LRRFIP2: variants seen among roughly 807,000 people sequenced by gnomAD.
The protein encoded by LRRFIP2 is leucine-rich repeat flightless-interacting protein 2.
A neutral mutation model predicts 125.9 loss-of-function variants in LRRFIP2; 109 were observed. The observed-to-expected ratio is 0.87, with a 90% CI of 0.74 to 1.01. The LOEUF (loss-of-function observed/expected upper bound fraction) is 1.01, where lower values mean the gene tolerates loss of function less well. Among genes scored for constraint, LRRFIP2 ranks in the 50% least tolerant of loss-of-function variants. The pLI is 0.00. For synonymous variants in LRRFIP2, 291 were observed against 293.1 expected (o/e 0.99, Z 0.07); for missense variants, 850 against 862.3 (o/e 0.99, Z 0.18).
chr3:37,170,976 A>C (rs1046731364), intron 1 of LRRFIP2: 3 of 152,298 alleles, frequency 2.0e-5, no homozygotes, highest in African/African-American at 7.2e-5. Context: ...TGGGAGGCTG[A>C]GGTGGGAGAA....
rs184975119 is a variant in LRRFIP2 at position 37,079,809 on chromosome 3, G to A, written c.1278+3827C>T. 1.8e-4 allele frequency among the ~76,000 whole-genome samples: 27 copies of A among 152,226 alleles called. 1 individual carries two copies. In the East Asian group the frequency reaches 4.4e-3, roughly 25 times the overall value. ...GAACCTTGAAAACATCACGCTAAGCGAAAGAAGCCAGTCACAAAAGACCAT... is the reference window on the plus strand; with the variant it reads ...GAACCTTGAAAACATCACGCTAAGCAAAAGAAGCCAGTCACAAAAGACCAT... On this transcript the variant is annotated intron_variant, in intron 19 of 27. Coordinates refer to ENST00000336686, the MANE Select transcript of LRRFIP2 (RefSeq NM_006309.4).
chr3:37,106,266 A>G (rs1356280235), intron 13 of LRRFIP2, among the ~76,000 whole-genome samples: 1 of 152,206 alleles, frequency 6.6e-6, no homozygotes, highest in African/African-American at 2.4e-5. Flanking sequence ...AACAAGGACA[A>G]CGAAGTGATG....
At chr3:37,124,669 G>A (rs2095205389) in intron 4 of LRRFIP2, among the ~76,000 whole-genome samples, 1 of 152,090 alleles carries the variant, frequency 6.6e-6, no homozygotes, top group East Asian at 1.9e-4. Flanking sequence ...GCATTTAGAC[G>A]TTTTTATTCA....
intron 14 of LRRFIP2, among the ~76,000 whole-genome samples, chr3:37,104,103 C>A (rs1272647559): frequency 2.6e-5 from 4 of 151,788 alleles, no homozygotes; most frequent in Admixed American, 6.6e-5. Context: ...TAAAATCAAG[C>A]AATGGTATTT....
At chr3:37,058,476 C>A (rs1333109390) in intron 25 of LRRFIP2, among the ~76,000 whole-genome samples, 1 of 152,046 alleles carries the variant, frequency 6.6e-6, no homozygotes, top group Non-Finnish European at 1.5e-5. Context: ...GAGTTCGAGA[C>A]CAGCCTGGTA....
At chr3:37,072,699 T>C in intron 21 of LRRFIP2, 91 bp downstream of exon 21, 1 of 738,668 alleles carries the variant, frequency 1.4e-6, no homozygotes, top group Non-Finnish European at 2.3e-6. Flanking sequence ...TCAAGAAGAA[T>C]CAAAAGGACA....
chr3:37,069,780 G>GA (rs1326219632), intron 21 of LRRFIP2, among the ~76,000 whole-genome samples: 1 of 152,150 alleles, frequency 6.6e-6, no homozygotes, highest in Non-Finnish European at 1.5e-5. Flanking sequence ...TAACTTGGAA[G>GA]AATCTTGAGG....
At chr3:37,143,041 C>T (rs543071264) in intron 2 of LRRFIP2, among the ~76,000 whole-genome samples, 1 of 152,204 alleles carries the variant, frequency 6.6e-6, no homozygotes, top group East Asian at 1.9e-4. Context: ...CTTGCGCTCT[C>T]GTTTCCACTC....
intron 1 of LRRFIP2, among the ~76,000 whole-genome samples, chr3:37,162,002 ACCT>A (rs1222745755): frequency 6.6e-6 from 1 of 151,414 alleles, no homozygotes; most frequent in Non-Finnish European, 1.5e-5. Flanking sequence ...ACATGGCAAA[ACCT>A]CCTCTCATCT....
intron 14 of LRRFIP2, among the ~76,000 whole-genome samples, chr3:37,104,947 C>A (rs2094244076): frequency 6.6e-6 from 1 of 151,944 alleles, no homozygotes; most frequent in African/African-American, 2.4e-5. Flanking sequence ...TGGGCTCAAG[C>A]AATCCTCCCA....
intron 3 of LRRFIP2, 38 bp downstream of exon 3, chr3:37,129,025 G>A (rs2095357848): frequency 1.3e-6 from 2 of 1,567,586 alleles, no homozygotes; most frequent in African/African-American, 1.4e-5. Flanking sequence ...GATTTTGGGG[G>A]AGACAAATAT....
chr3:37,132,273 A>T (rs762277520), intron 2 of LRRFIP2, among the ~76,000 whole-genome samples: 2 of 126,000 alleles, frequency 1.6e-5, no homozygotes, highest in Non-Finnish European at 1.9e-5. Context: ...TTTCATTTAC[A>T]TGTATATTAA....
intron 4 of LRRFIP2, among the ~76,000 whole-genome samples, chr3:37,126,419 T>C (rs1018840190): frequency 2.6e-5 from 4 of 152,078 alleles, no homozygotes; most frequent in African/African-American, 9.7e-5. Flanking sequence ...TGCCACTTTC[T>C]CTGCAGGTCC....
chr3:37,062,262 G>A (rs1029555960), intron 24 of LRRFIP2, among the ~76,000 whole-genome samples: 26 of 152,118 alleles, frequency 1.7e-4, no homozygotes, highest in African/African-American at 6.3e-4. Flanking sequence ...ATGCCTCTCA[G>A]GCAGGAATTT....
At chr3:37,104,937 T>C (rs2094242854) in intron 14 of LRRFIP2, among the ~76,000 whole-genome samples, 1 of 151,870 alleles carries the variant, frequency 6.6e-6, no homozygotes. Flanking sequence ...CTCAAACTCC[T>C]GGGCTCAAGC....
chr3:37,149,827 C>A (rs187126759), intron 1 of LRRFIP2, among the ~76,000 whole-genome samples: 6 of 151,866 alleles, frequency 4.0e-5, no homozygotes, highest in Non-Finnish European at 7.4e-5. Context: ...ATGGTAAAAC[C>A]CCATCTCCAC....
At chr3:37,172,917 G>A (rs997411886) in intron 1 of LRRFIP2, 1 of 152,164 alleles carries the variant, frequency 6.6e-6, no homozygotes, top group African/African-American at 2.4e-5. Context: ...TATTGGCCGG[G>A]CGTGGTGGCT....
chr3:37,068,164 CACA>C (rs1015563499), intron 21 of LRRFIP2: 1 of 152,174 alleles, frequency 6.6e-6, no homozygotes, highest in Non-Finnish European at 1.5e-5. Context: ...GAAAACAAAG[CACA>C]ACAATACTTT....
At position 37,075,019 on chromosome 3, in the gene LRRFIP2, C is replaced by T. The variant is rs1371208704; in HGVS notation, c.1371+5G>A. ...ATTAAGTATTCCCACAGTTCATGTA[C>T]ATACCTCAATAAGCTCATCTCTTTG... On this transcript the variant is annotated splice_donor_5th_base_variant and intron_variant, in intron 20 of 27. Transcript: ENST00000336686. The T allele has an allele frequency of 2.5e-6, 4 of 1,603,276 alleles. No individual in the cohort carries two copies. The highest frequency in any genetic ancestry group is 2.7e-5 in the African/African-American group (2 of 74,690).
Sources: allele counts gnomAD v4.1 joint callset (sites outside exome capture counted in the v4.1 genomes callset), GRCh38; gene constraint gnomAD v4.1.1; transcripts MANE v1.5; gene names NCBI Gene and HGNC (gene_info 2026-07-23, HGNC 2026-07-21).